HMBOX1: variants seen among roughly 807,000 people sequenced by gnomAD.
The protein encoded by HMBOX1 is homeobox-containing protein 1.
HMBOX1 carries 14 observed loss-of-function variants against 54.5 expected under a neutral mutation model. That is an observed-to-expected ratio of 0.26 (90% CI 0.17 to 0.40). HMBOX1 has a LOEUF of 0.40. HMBOX1 is among the 10% of genes least tolerant of loss of function. The pLI, the probability that HMBOX1 is intolerant of heterozygous loss-of-function variation, is 1.00. For synonymous variants in HMBOX1, 160 were observed against 181.0 expected (o/e 0.88, Z 0.93); for missense variants, 332 against 514.4 (o/e 0.65, Z 3.43).
At chr8:29,039,684 C>A (rs1030504424) in intron 6 of HMBOX1, among the ~76,000 whole-genome samples, 1 of 152,072 alleles carries the variant, frequency 6.6e-6, no homozygotes, top group African/African-American at 2.4e-5. Flanking sequence ...TAGCCATCTT[C>A]CTCTTGATGC....
intron 1 of HMBOX1, among the ~76,000 whole-genome samples, chr8:28,917,066 CA>C (rs35179018): frequency 4.7e-3 from 335 of 70,988 alleles, no homozygotes; most frequent in Admixed American, 5.8e-3. Flanking sequence ...GACCCTGTCT[CA>C]AAAAAAAAAA....
intron 4 of HMBOX1, among the ~76,000 whole-genome samples, chr8:28,989,133 A>T (rs2137472): frequency 6.6e-6 from 1 of 151,902 alleles, no homozygotes; most frequent in Middle Eastern, 3.4e-3. Context: ...TTAGCCGGGC[A>T]TGGTGGTGCT....
intron 4 of HMBOX1, among the ~76,000 whole-genome samples, chr8:28,987,740 T>G (rs1278869422): frequency 6.6e-6 from 1 of 152,188 alleles, no homozygotes; most frequent in Non-Finnish European, 1.5e-5. Flanking sequence ...ATGCTTGCAC[T>G]AACCAAACTA....
At chr8:28,953,397 A>C (rs1406133353) in intron 1 of HMBOX1, among the ~76,000 whole-genome samples, 1 of 152,204 alleles carries the variant, frequency 6.6e-6, no homozygotes, top group East Asian at 1.9e-4. Context: ...ACTTCCTAAA[A>C]GGTAAACTTG....
intron 4 of HMBOX1, among the ~76,000 whole-genome samples, chr8:28,980,859 G>A (rs572014640): frequency 6.6e-5 from 10 of 152,062 alleles, no homozygotes; most frequent in East Asian, 5.8e-4. Flanking sequence ...TAGAAGAACC[G>A]GACACTCTTT....
At chr8:29,003,555 A>AAGATATATATATATATATAT (rs1554567241) in intron 4 of HMBOX1, among the ~76,000 whole-genome samples, 1 of 71,312 alleles carries the variant, frequency 1.4e-5, no homozygotes, top group African/African-American at 5.2e-5. Flanking sequence ...TTCTGTATTA[A>AAGATATATATATATATATAT]ATATATATAT....
chr8:29,029,386 AAC>A (rs1178881249), intron 6 of HMBOX1, among the ~76,000 whole-genome samples: 1 of 152,208 alleles, frequency 6.6e-6, no homozygotes, highest in East Asian at 1.9e-4. Flanking sequence ...GAAACATTAA[AAC>A]CTATCTGGAT....
chr8:28,944,061 T>C (rs1314879312), intron 1 of HMBOX1, among the ~76,000 whole-genome samples: 1 of 152,168 alleles, frequency 6.6e-6, no homozygotes, highest in Non-Finnish European at 1.5e-5. Context: ...TATTCTAGTC[T>C]CTCATCATCT....
chr8:29,011,105 A>G (rs1834165471), intron 5 of HMBOX1, among the ~76,000 whole-genome samples: 2 of 152,250 alleles, frequency 1.3e-5, no homozygotes, highest in African/African-American at 4.8e-5. Flanking sequence ...ATCGGAAAAT[A>G]AAATGGAATT....
At chr8:29,013,947 A>G (rs904839920) in intron 5 of HMBOX1, among the ~76,000 whole-genome samples, 1 of 152,214 alleles carries the variant, frequency 6.6e-6, no homozygotes, top group African/African-American at 2.4e-5. Flanking sequence ...CATGAGATAA[A>G]TGTCATCAGA....
chr8:28,950,829 A>G (rs1482197195), intron 1 of HMBOX1, among the ~76,000 whole-genome samples: 1 of 152,218 alleles, frequency 6.6e-6, no homozygotes, highest in African/African-American at 2.4e-5. Context: ...TGTATTTTAG[A>G]TGACATATTT....
intron 1 of HMBOX1, among the ~76,000 whole-genome samples, chr8:28,920,980 C>T (rs138171358): frequency 1.3e-5 from 2 of 152,264 alleles, no homozygotes; most frequent in African/African-American, 2.4e-5. Flanking sequence ...GTACTAAATG[C>T]ACTATAACAT....
chr8:29,010,002 G>T, intron 5 of HMBOX1: 7 of 984,242 alleles, frequency 7.1e-6, no homozygotes, highest in Non-Finnish European at 8.4e-6. Context: ...CATAATAATA[G>T]CATTGGCTCT....
intron 1 of HMBOX1, among the ~76,000 whole-genome samples, chr8:28,947,795 C>T (rs1822735240): frequency 1.3e-5 from 2 of 152,136 alleles, no homozygotes; most frequent in African/African-American, 4.8e-5. Context: ...TTCATGTTCT[C>T]ACGTTACTTT....
chr8:28,971,218 G>A (rs960632100), intron 3 of HMBOX1, among the ~76,000 whole-genome samples: 1 of 150,550 alleles, frequency 6.6e-6, no homozygotes, highest in African/African-American at 2.4e-5. Context: ...TCAGCCTCCC[G>A]AGTAGCTGGG....
intron 1 of HMBOX1, among the ~76,000 whole-genome samples, chr8:28,918,024 ATTCT>A (rs1030691311): frequency 4.1e-4 from 63 of 152,210 alleles, no homozygotes; most frequent in African/African-American, 1.4e-3. Context: ...GATTTGGGAA[ATTCT>A]TTCTTCTCTT....
intron 1 of HMBOX1, among the ~76,000 whole-genome samples, chr8:28,959,739 T>C (rs773230335): frequency 6.6e-6 from 1 of 152,220 alleles, no homozygotes; most frequent in Non-Finnish European, 1.5e-5. Context: ...ATTAGAATTA[T>C]GTTTTTTAAA....
At chr8:28,984,410 G>C (rs1458274443) in intron 4 of HMBOX1, among the ~76,000 whole-genome samples, 1 of 152,194 alleles carries the variant, frequency 6.6e-6, no homozygotes, top group Non-Finnish European at 1.5e-5. Context: ...ACATGTGCTT[G>C]TTCCAGAAAC....
chr8:28,908,288 G>A (rs1436204874), intron 1 of HMBOX1, among the ~76,000 whole-genome samples: 1 of 152,084 alleles, frequency 6.6e-6, no homozygotes, highest in African/African-American at 2.4e-5. Context: ...CCTTTCCTAG[G>A]ACCATAATTT....
Sources: allele counts gnomAD v4.1 joint callset (sites outside exome capture counted in the v4.1 genomes callset), GRCh38; gene constraint gnomAD v4.1.1; transcripts MANE v1.5; gene names NCBI Gene and HGNC (gene_info 2026-07-23, HGNC 2026-07-21).